Variants in CCDC187 observed in about 807,000 individuals in gnomAD.
CCDC187 encodes coiled-coil domain-containing protein 187.
CCDC187 carries 32 observed loss-of-function variants against 38.0 expected under a neutral mutation model. That is an observed-to-expected ratio of 0.84 (90% CI 0.64 to 1.13). The LOEUF (loss-of-function observed/expected upper bound fraction) is 1.13. Ranked by LOEUF, CCDC187 falls within the 50% of genes most tolerant of loss-of-function variation. CCDC187 has a pLI of 0.00. For synonymous variants in CCDC187, 333 were observed against 347.9 expected, an observed-to-expected ratio of 0.96 and a Z score of 0.48; for missense variants, 707 against 786.8, an observed-to-expected ratio of 0.90 and a Z score of 1.21.
chr9:136,264,606 T>A lies in CCDC187; in HGVS notation c.3736-808A>T, dbSNP rs62579916. ...TCTCCGCCCCCAGCTCCCTTGCCTG[T>A]AATGCCCCATGCCTGACACCCCAGG... is the stretch of plus-strand genomic sequence containing the variant. On this transcript the variant is annotated intron_variant, in intron 17 of 25. Coordinates refer to ENST00000638797, the MANE Select transcript of CCDC187 (RefSeq NM_001378188.1). The surrounding 1 kb of genome is among the most constrained non-coding windows in gnomAD (Gnocchi z 4.3). 4.6e-5 allele frequency among the ~76,000 whole-genome samples: 7 copies of A among 152,032 alleles called. No individual in the cohort carries two copies. The highest frequency in any genetic ancestry group is 1.0e-4 in the Non-Finnish European group (7 of 67,990).
Position 136,250,957 on chromosome 9 carries a change from G to C in CCDC187, c.*2637C>G, listed in dbSNP as rs78983247. On this transcript the variant is annotated 3_prime_UTR_variant, in exon 26 of 26. Coordinates refer to ENST00000638797, the MANE Select transcript of CCDC187 (RefSeq NM_001378188.1). ...TCTCTCACCAGAGCTATGGGGTAGA[G>C]GGCCTTGGCAGCTCCGTGTGTCCTG... 7.9e-3 allele frequency: 3,597 copies of C among 455,214 alleles called. 103 individuals are homozygous for C. Among genetic ancestry groups the C allele is most frequent in the African/African-American group, 0.065 (3,273 of 50,184 alleles). 28.2% of individuals were successfully genotyped at this position (455,214 alleles called of 1,614,324 possible). A position where few individuals can be genotyped will look rare whatever the true frequency, so the allele number is the denominator to read the frequency against.
chr9:136,255,079 GGGACT>G lies in CCDC187; in HGVS notation c.4744_4748del (p.Ser1582ProfsTer13). 1 of 985,522 alleles carries G rather than the reference GGGACT, an allele frequency of 1.0e-6. No homozygotes were observed. The highest frequency in any genetic ancestry group is 1.2e-6 in the Non-Finnish European group (1 of 830,046). 61.0% of individuals were successfully genotyped at this position (985,522 alleles called of 1,614,324 possible). On this transcript the variant is annotated frameshift_variant, in exon 26 of 26. Coordinates refer to ENST00000638797, the MANE Select transcript of CCDC187 (RefSeq NM_001378188.1). LOFTEE classifies it low-confidence loss of function (END_TRUNC). ...CGCAGGAGGAGGTGGTGGGGAGAAG[GGGACT>G]GCCCTGGTGCAGGATTGGGGGCGCC... is the stretch of plus-strand genomic sequence containing the variant.
chr9:136,263,926 A>G (rs1274262682), intron 17 of CCDC187, 128 bp from the exon 18 acceptor site: 7 of 651,270 alleles, frequency 1.1e-5, no homozygotes, highest in Non-Finnish European at 1.3e-5. Flanking sequence ...TTTCCCTCCA[A>G]TTGGCCTTTG....
chr9:136,260,601 G>C (rs1237839979), intron 19 of CCDC187, among the ~76,000 whole-genome samples: 7 of 151,578 alleles, frequency 4.6e-5, no homozygotes, highest in Non-Finnish European at 1.0e-4. Flanking sequence ...ATCTGACTCT[G>C]CCTGGGTCAC....
At chr9:136,284,692 T>C (rs1831130236) in intron 9 of CCDC187, among the ~76,000 whole-genome samples, 1 of 146,256 alleles carries the variant, frequency 6.8e-6, no homozygotes, top group South Asian at 2.2e-4. Context: ...GGGCAGGTGG[T>C]GGGCTCGGAG....
chr9:136,300,599 CT>C (rs878935448), intron 2 of CCDC187, among the ~76,000 whole-genome samples: 124,982 of 142,500 alleles, frequency 0.88, 54,728 homozygotes, highest in East Asian at 0.93. Context: ...TTTCAAAAGA[CT>C]TTTTTTTTTT....
rs1220848369 is a variant in CCDC187, at chr9:136,281,253, G to A, written c.3040+298C>T. On this transcript the variant is annotated intron_variant, in intron 10 of 25. Transcript: ENST00000638797. ...GAATCCGAGCTGATGGGACTGTAAG[G>A]AAGCGCCCTAGGAGGTGGGCTGGGC... is the stretch of plus-strand genomic sequence containing the variant. 4 of 397,364 alleles carry A rather than the reference G, an allele frequency of 1.0e-5. No individual in the cohort carries two copies. The South Asian group carries it at 4.3e-4, about 42-fold the overall frequency. 24.6% of individuals were successfully genotyped at this position (397,364 alleles called of 1,614,324 possible).
chr9:136,297,271 G>A (rs1331861568), intron 4 of CCDC187, among the ~76,000 whole-genome samples: 3 of 150,964 alleles, frequency 2.0e-5, no homozygotes, highest in African/African-American at 4.9e-5. Context: ...CCTGAGCTAC[G>A]GGTGCCGTGA....
At chr9:136,270,292 G>A (rs1554762218) in intron 14 of CCDC187, among the ~76,000 whole-genome samples, 4 of 152,282 alleles carry the variant, frequency 2.6e-5, no homozygotes, top group South Asian at 2.1e-4. Flanking sequence ...CAATGGCTGG[G>A]CACGCTCATA....
At position 136,266,069 on chromosome 9, in the gene CCDC187, C is replaced by T. The variant is rs145461398; in HGVS notation, c.3648-26G>A. On this transcript the variant is annotated intron_variant, in intron 16 of 25. Transcript: ENST00000638797. Reference sequence around the variant, plus strand: ...CTGGGGGGAGGTGGCAACATCACTGCCAATGTTGACAGCCCGTGCAAGTGG... The same window carrying T: ...CTGGGGGGAGGTGGCAACATCACTGTCAATGTTGACAGCCCGTGCAAGTGG... The T allele has an allele frequency of 1.1e-3, 1,095 of 980,522 alleles. 11 individuals are homozygous for T. In the African/African-American group the frequency reaches 0.018, roughly 16 times the overall value. The allele number at this position is 980,522 out of a possible 1,614,324, so 60.7% of individuals were successfully genotyped here. A position where few individuals can be genotyped will look rare whatever the true frequency, so the allele number is the denominator to read the frequency against.
At chr9:136,297,958 G>C (rs1273631825) in intron 3 of CCDC187, 137 bp from the exon 4 acceptor site, 1 of 393,244 alleles carries the variant, frequency 2.5e-6, no homozygotes, top group Admixed American at 4.4e-5. Flanking sequence ...CCTGCTCCCT[G>C]CTTGGCGAGA....
chr9:136,273,733 C>T (rs1158344956), intron 14 of CCDC187, among the ~76,000 whole-genome samples: 2 of 152,262 alleles, frequency 1.3e-5, no homozygotes, highest in Non-Finnish European at 1.5e-5. Context: ...CACCCACTGA[C>T]GTAGACTGTC....
chr9:136,282,584 A>C lies in CCDC187; in HGVS notation c.2928-921T>G, dbSNP rs1056001302. On this transcript the variant is annotated intron_variant, in intron 9 of 25. Transcript: ENST00000638797. ...CCCCCATCTGTGCTTCCTGGTACACAGTGACCCAGAACCCACTGGAGTGGC... is the reference window on the plus strand; with the variant it reads ...CCCCCATCTGTGCTTCCTGGTACACCGTGACCCAGAACCCACTGGAGTGGC... Among the ~76,000 whole-genome samples the C allele has an allele frequency of 1.5e-3, 235 of 152,266 alleles. 2 individuals carry two copies. The highest frequency in any genetic ancestry group is 6.8e-3 in the Middle Eastern group (2 of 294).
In CCDC187 at chr9:136,262,395, G is replaced by C; in HGVS notation, c.3980C>G (p.Ser1327Cys). The change falls in exon 19 of 26, where the codon TCC becomes TGC. Residue 1327 changes from serine (S) to cysteine (C), a missense_variant. Physicochemically the swap from Ser to Cys is moderately radical, Grantham distance 112. Transcript: ENST00000638797. ...CCTGCATGGGGTCAGGGGACACAGG[G>C]AGGCCTCTGGCTGCTGGCTTGTCTC... ...GSETSQQPEA[S>C]LCPLTPCRPS... 1 of 986,408 alleles carries C rather than the reference G, an allele frequency of 1.0e-6. No individual in the cohort carries two copies. The highest frequency in any genetic ancestry group is 1.2e-6 in the Non-Finnish European group (1 of 830,670). The allele number at this position is 986,408 out of a possible 1,614,324, so 61.1% of individuals were successfully genotyped here. A position where few individuals can be genotyped will look rare whatever the true frequency, so the allele number is the denominator to read the frequency against.
At chr9:136,295,293 G>T (rs1013004042) in intron 4 of CCDC187, among the ~76,000 whole-genome samples, 1 of 152,190 alleles carries the variant, frequency 6.6e-6, no homozygotes, top group Non-Finnish European at 1.5e-5. Flanking sequence ...CTGCCCGCCC[G>T]GCCCCTCCAT....
upstream of CCDC187, among the ~76,000 whole-genome samples, chr9:136,304,261 G>T (rs1467636374): frequency 2.0e-5 from 3 of 152,204 alleles, no homozygotes; most frequent in Non-Finnish European, 4.4e-5. Flanking sequence ...AGGGAATGGG[G>T]CCGGGCTGGG....
At chr9:136,299,904 A>G (rs1017716407) in intron 3 of CCDC187, among the ~76,000 whole-genome samples, 1 of 152,222 alleles carries the variant, frequency 6.6e-6, no homozygotes, top group Admixed American at 6.5e-5. Context: ...AGCCACACAG[A>G]AAACTCCTTG....
intron 5 of CCDC187, 89 bp downstream of exon 5, chr9:136,292,072 C>A (rs960927469): frequency 2.8e-5 from 11 of 398,202 alleles, no homozygotes; most frequent in Non-Finnish European, 4.0e-5. Flanking sequence ...TCCTTCCAGG[C>A]GGCCTGGAGC....
rs976014265 is a variant in CCDC187 at position 136,286,331 on chromosome 9, G to A, written c.2587C>T (p.Arg863Cys). The A allele has an allele frequency of 1.4e-3, 550 of 398,604 alleles. 5 individuals carry two copies. Among genetic ancestry groups the A allele is most frequent in the African/African-American group, 0.01 (488 of 48,756 alleles). The allele number at this position is 398,604 out of a possible 1,614,324, so 24.7% of individuals were successfully genotyped here. A position where few individuals can be genotyped will look rare whatever the true frequency, so the allele number is the denominator to read the frequency against. ...TVRDPAVGLL[R>C]SCPHSLPAAP... ...GCAGGTAGGCTGTGGGGGCACGAGC[G>A]CAGCAGGCCCACAGCTGGGTCCCTG... is the stretch of plus-strand genomic sequence containing the variant. The change falls in exon 8 of 26, where the codon CGC becomes TGC. Residue 863 changes from arginine to cysteine, a missense_variant. Transcript: ENST00000638797.
Sources: gnomAD v4.1 joint callset for allele counts (sites outside exome capture counted in the v4.1 genomes callset) on GRCh38, gnomAD v4.1.1 for gene constraint, Gnocchi (gnomAD v3.1) non-coding constraint, MANE v1.5 for transcripts, NCBI Gene and HGNC (gene_info 2026-07-23, HGNC 2026-07-21) for gene names.